MEP1B: variants seen among roughly 807,000 people sequenced by gnomAD.
MEP1B encodes N-benzoyl-L-tyrosyl-P-amino-benzoic acid hydrolase subunit beta.
A neutral mutation model predicts 84.6 loss-of-function variants in MEP1B; 80 were observed. The ratio of observed to expected loss-of-function variants is 0.95; its 90% CI spans 0.79 to 1.14. The LOEUF is 1.14. MEP1B is among the 50% of genes most tolerant of loss of function. The pLI is 0.00. For synonymous variants in MEP1B, 273 were observed against 288.1 expected, an observed-to-expected ratio of 0.95 and a Z score of 0.53; for missense variants, 766 against 855.1, an observed-to-expected ratio of 0.90 and a Z score of 1.30.
chr18:32,191,735 C>A, intron 1 of MEP1B, 87 bp from the exon 2 acceptor site: 2 of 812,618 alleles, frequency 2.5e-6, no homozygotes, highest in Non-Finnish European at 2.0e-6. Context: ...AACAAACAAA[C>A]AACAAATGGT....
chr18:32,195,275 C>A, intron 4 of MEP1B, 132 bp from the exon 5 acceptor site: 1 of 619,182 alleles, frequency 1.6e-6, no homozygotes, highest in Non-Finnish European at 2.9e-6. Context: ...CACACACACA[C>A]ACACACACAC....
At chr18:32,193,313 A>G (rs905691412) in intron 4 of MEP1B, among the ~76,000 whole-genome samples, 1 of 152,202 alleles carries the variant, frequency 6.6e-6, no homozygotes, top group African/African-American at 2.4e-5. Context: ...CTAAGTCATC[A>G]TGCCACACAG....
rs1468089743 is a variant in MEP1B, at chr18:32,196,456, C to G, written c.250+971C>G. The G allele has an allele frequency of 2.9e-6, 2 of 694,466 alleles. No homozygotes were observed. Among genetic ancestry groups the G allele is most frequent in the Non-Finnish European group, 5.3e-6 (2 of 376,314 alleles). 43.0% of individuals were successfully genotyped at this position (694,466 alleles called of 1,614,324 possible). On this transcript the variant is annotated intron_variant, in intron 5 of 14. Coordinates refer to ENST00000269202, the MANE Select transcript of MEP1B (RefSeq NM_005925.3). This position sits in a 1 kb window ranked among gnomAD's most constrained non-coding sequence, Gnocchi z 4.4. ...GAGGGTGTGCAGCCAGCCCTTCCTT[C>G]TGGTGCTGCAGGGCCGACCGGAAAC...
intron 7 of MEP1B, 119 bp from the exon 8 acceptor site, chr18:32,207,126 CTGTTGTT>C (rs1255790861): frequency 1.6e-6 from 1 of 621,980 alleles, no homozygotes; most frequent in Non-Finnish European, 2.8e-6. Flanking sequence ...AATAATGAAA[CTGTTGTT>C]AGTTGTAGCA....
Position 32,190,039 on chromosome 18 carries a change from A to C in MEP1B, c.-32A>C. ...AGAAGTCAATTCAACCCTGAATGTCATAGTTAGCTACTTTCAACTGGAAGC... is the reference window on the plus strand; with the variant it reads ...AGAAGTCAATTCAACCCTGAATGTCCTAGTTAGCTACTTTCAACTGGAAGC... On this transcript the variant is annotated 5_prime_UTR_variant, in exon 1 of 15. Transcript: ENST00000269202. The C allele has an allele frequency of 6.3e-7, 1 of 1,582,790 alleles. No homozygotes were observed. Among genetic ancestry groups the C allele is most frequent in the Non-Finnish European group, 8.7e-7 (1 of 1,153,278 alleles).
chr18:32,211,490 G>T (rs1405421266), intron 10 of MEP1B, among the ~76,000 whole-genome samples: 2 of 151,314 alleles, frequency 1.3e-5, no homozygotes, highest in African/African-American at 4.9e-5. Flanking sequence ...TTATAAGACT[G>T]GTACTTCGGT....
In MEP1B at chr18:32,196,271, TG is replaced by T; in HGVS notation, c.250+791del. On this transcript the variant is annotated intron_variant, in intron 5 of 14. Coordinates refer to ENST00000269202, the MANE Select transcript of MEP1B (RefSeq NM_005925.3). This position sits in a 1 kb window ranked among gnomAD's most constrained non-coding sequence, Gnocchi z 4.4. ...AACTGCTCCAAGACGCTGGCCATGC[TG>T]GGGGCTGTGAAGTTGAGGGGCGGGA... The T allele has an allele frequency of 1.4e-6, 1 of 707,608 alleles. No individual in the cohort carries two copies. Among genetic ancestry groups the T allele is most frequent in the Non-Finnish European group, 2.6e-6 (1 of 377,686 alleles). The allele number at this position is 707,608 out of a possible 1,614,324, so 43.8% of individuals were successfully genotyped here. A position where few individuals can be genotyped will look rare whatever the true frequency, so the allele number is the denominator to read the frequency against.
In MEP1B at chr18:32,208,084, T is replaced by G. The variant is rs147325009; in HGVS notation, c.767-35T>G. The G allele has an allele frequency of 6.0e-4, 971 of 1,608,042 alleles. 12 individuals are homozygous for G. The East Asian group carries it at 0.015, about 24-fold the overall frequency. ...TTTTGTTACTTAGATTATCATGTTG[T>G]ATGAGTGTCAATAATTGTTTTTTGC... is the stretch of plus-strand genomic sequence containing the variant. On this transcript the variant is annotated intron_variant, in intron 8 of 14. Coordinates refer to ENST00000269202, the MANE Select transcript of MEP1B (RefSeq NM_005925.3).
intron 14 of MEP1B, among the ~76,000 whole-genome samples, chr18:32,219,673 A>G (rs2041129407): frequency 6.6e-6 from 1 of 152,196 alleles, no homozygotes; most frequent in Non-Finnish European, 1.5e-5. Context: ...CTTAGCAAGT[A>G]AAAACTGGAA....
In MEP1B at chr18:32,210,612, A is replaced by G; in HGVS notation, c.1031A>G (p.Tyr344Cys). 1 of 1,614,010 alleles carries G rather than the reference A, an allele frequency of 6.2e-7. No homozygotes were observed. The highest frequency in any genetic ancestry group is 8.5e-7 in the Non-Finnish European group (1 of 1,179,866). The part of the protein sequence containing the change: ...PKRGFQCLQF[Y>C]LYNSGSESDQ... ...AGAGGATTTCAGTGCCTGCAATTTT[A>G]CTTATATAACAGTGGCAGTGAAAGT... Residue 344 changes from tyrosine to cysteine, a missense_variant, in exon 10 of 15, where the codon TAC becomes TGC. Coordinates refer to ENST00000269202, the MANE Select transcript of MEP1B (RefSeq NM_005925.3).
chr18:32,194,155 C>A (rs1021365389), intron 4 of MEP1B, among the ~76,000 whole-genome samples: 1 of 152,132 alleles, frequency 6.6e-6, no homozygotes, highest in Admixed American at 6.6e-5. Context: ...CCCCATCCAG[C>A]CCGTCAGCAA....
intron 9 of MEP1B, among the ~76,000 whole-genome samples, chr18:32,209,097 G>T (rs1340170444): frequency 6.6e-6 from 1 of 152,182 alleles, no homozygotes; most frequent in East Asian, 1.9e-4. Context: ...CCCTAATGTT[G>T]TCTCTTTCAT....
intron 10 of MEP1B, 101 bp from the exon 11 acceptor site, chr18:32,213,015 G>A (rs1011807731): frequency 1.5e-5 from 16 of 1,060,332 alleles, no homozygotes; most frequent in South Asian, 1.3e-4. Flanking sequence ...GAAATAAATC[G>A]GTTTTGGATG....
chr18:32,217,691 A>G, intron 13 of MEP1B, 70 bp from the exon 14 acceptor site: 3 of 1,283,828 alleles, frequency 2.3e-6, no homozygotes, highest in Non-Finnish European at 3.3e-6. Flanking sequence ...GGTGATCCAC[A>G]TCTTTAACTG....
chr18:32,199,523 G>A (rs2040887418), intron 5 of MEP1B, among the ~76,000 whole-genome samples: 1 of 151,848 alleles, frequency 6.6e-6, no homozygotes, highest in Admixed American at 6.6e-5. Flanking sequence ...AGAGCACAGG[G>A]GGCATGAGGA....
At chr18:32,197,047 A>G (rs2040863264) in intron 5 of MEP1B, 2 of 165,902 alleles carry the variant, frequency 1.2e-5, no homozygotes, top group African/African-American at 4.8e-5. Flanking sequence ...ATAACCAACT[A>G]AATTTGAGGA....
chr18:32,196,534 T>G lies in MEP1B; in HGVS notation c.250+1049T>G. 1.4e-6 allele frequency: 1 copy of G among 699,234 alleles called. No individual in the cohort carries two copies. The highest frequency in any genetic ancestry group is 2.0e-5 in the Admixed American group (1 of 50,346). 43.3% of individuals were successfully genotyped at this position (699,234 alleles called of 1,614,324 possible). Reference sequence around the variant, plus strand: ...ATGAGGTGGTGGCCAAGGGCCACCTTGAGAGCTTTGGGCCCTTGGTACTTG... The same window carrying G: ...ATGAGGTGGTGGCCAAGGGCCACCTGGAGAGCTTTGGGCCCTTGGTACTTG... On this transcript the variant is annotated intron_variant, in intron 5 of 14. Coordinates refer to ENST00000269202, the MANE Select transcript of MEP1B (RefSeq NM_005925.3). The surrounding 1 kb of genome is among the most constrained non-coding windows in gnomAD (Gnocchi z 4.4).
In MEP1B at chr18:32,210,518, C is replaced by A; in HGVS notation, c.937C>A (p.His313Asn). ...GQCQGSGFFM[H>N]FDSSSVNVGA... ...TTTAACAGGTTCTGGTTTCTTCATG[C>A]ATTTCGATAGCAGCTCTGTAAATGT... The change falls in exon 10 of 15, where the codon CAT (histidine) becomes AAT (asparagine). Residue 313 changes from histidine to asparagine, a missense_variant. Physicochemically the swap from His to Asn is moderately conservative, Grantham distance 68 (BLOSUM62 1). Coordinates refer to ENST00000269202, the MANE Select transcript of MEP1B (RefSeq NM_005925.3). The A allele has an allele frequency of 6.2e-7, 1 of 1,613,812 alleles. No homozygotes were observed. The highest frequency in any genetic ancestry group is 8.5e-7 in the Non-Finnish European group (1 of 1,179,770).
Position 32,208,212 on chromosome 18 carries a change from G to C in MEP1B, c.860G>C (p.Arg287Pro). Residue 287 changes from arginine (R) to proline (P), a missense_variant, in exon 9 of 15, where the codon CGG (arginine) becomes CCG (proline). By Grantham distance (103) the Arg-to-Pro change is moderately radical. Coordinates refer to ENST00000269202, the MANE Select transcript of MEP1B (RefSeq NM_005925.3). The part of the protein sequence containing the change: ...QSSGDNADWQ[R>P]VSQVPRGPES... Reference sequence around the variant, plus strand: ...TCAGGAGATAATGCTGACTGGCAACGGGTTTCACAGGTTCCCAGGGGGCCA... The same window carrying C: ...TCAGGAGATAATGCTGACTGGCAACCGGTTTCACAGGTTCCCAGGGGGCCA... 1.9e-6 allele frequency: 3 copies of C among 1,613,964 alleles called. No homozygotes were observed. Among genetic ancestry groups the C allele is most frequent in the Non-Finnish European group, 2.5e-6 (3 of 1,179,866 alleles).
Sources: gnomAD v4.1 joint callset for allele counts (sites outside exome capture counted in the v4.1 genomes callset) on GRCh38, gnomAD v4.1.1 for gene constraint, Gnocchi (gnomAD v3.1) non-coding constraint, MANE v1.5 for transcripts, NCBI Gene and HGNC (gene_info 2026-07-23, HGNC 2026-07-21) for gene names.